The following SPNS3 variants were observed in gnomAD, a reference collection of about 807,000 sequenced individuals.
The protein encoded by SPNS3 is protein spinster homolog 3.
A neutral mutation model predicts 54.4 loss-of-function variants in SPNS3; 51 were observed. The ratio of observed to expected loss-of-function variants is 0.94; its 90% CI spans 0.75 to 1.18. SPNS3 has a LOEUF of 1.18. Among genes scored for constraint, SPNS3 ranks in the 50% most tolerant of loss-of-function variants. SPNS3 has a pLI of 0.00. For missense variants in SPNS3, 669 were observed against 677.4 expected, an observed-to-expected ratio of 0.99 and a Z score of 0.14; for synonymous variants, 309 against 294.7, an observed-to-expected ratio of 1.05 and a Z score of -0.50.
chr17:4,461,361 CTTTTTTTTTTTT>C (rs55928003), intron 8 of SPNS3, among the ~76,000 whole-genome samples: 2 of 33,396 alleles, frequency 6.0e-5, no homozygotes, highest in East Asian at 6.2e-4. Flanking sequence ...CTTTTCTTTT[CTTTTTTTTTTTT>C]TTTTTTTTTT....
chr17:4,441,983 A>AATGTGTGTGT (rs3221840), intron 2 of SPNS3, among the ~76,000 whole-genome samples: 1 of 139,000 alleles, frequency 7.2e-6, no homozygotes, highest in Non-Finnish European at 1.5e-5. Flanking sequence ...CGGAGGGAGA[A>AATGTGTGTGT]GTGTGTGTGT....
intron 8 of SPNS3, among the ~76,000 whole-genome samples, chr17:4,461,565 C>T (rs1297293331): frequency 1.3e-5 from 2 of 151,802 alleles, no homozygotes; most frequent in Non-Finnish European, 2.9e-5. Flanking sequence ...AGGGCAGAAG[C>T]AGAGAGGAGT....
At chr17:4,460,366 C>T (rs1971463164) in intron 8 of SPNS3, among the ~76,000 whole-genome samples, 1 of 151,666 alleles carries the variant, frequency 6.6e-6, no homozygotes, top group African/African-American at 2.4e-5. Flanking sequence ...GTTTAACCAA[C>T]CTTGCATTCC....
intron 4 of SPNS3, 61 bp from the exon 5 acceptor site, chr17:4,446,835 G>A (rs1272119197): frequency 2.0e-6 from 3 of 1,524,478 alleles, no homozygotes; most frequent in African/African-American, 2.7e-5. Flanking sequence ...CAGGCTGGTG[G>A]TGGGGTCTGC....
chr17:4,452,619 G>T (rs1228654933), intron 7 of SPNS3, among the ~76,000 whole-genome samples: 4 of 152,052 alleles, frequency 2.6e-5, no homozygotes, highest in African/African-American at 9.7e-5. Context: ...ACTGGGAGCT[G>T]GAAAGAGAGA....
At chr17:4,443,818 G>A (rs1042103001) in intron 2 of SPNS3, among the ~76,000 whole-genome samples, 4 of 152,242 alleles carry the variant, frequency 2.6e-5, no homozygotes, top group African/African-American at 9.6e-5. Flanking sequence ...AATGGACAGT[G>A]GGCCGGGCAC....
At chr17:4,462,140 T>G (rs7502585) in intron 8 of SPNS3, among the ~76,000 whole-genome samples, 1 of 14,354 alleles carries the variant, frequency 7.0e-5, no homozygotes, top group East Asian at 2.8e-3. Context: ...CATCCATCCA[T>G]CCATCCATCC....
At position 4,448,257 on chromosome 17, in the gene SPNS3, G is replaced by A. The variant is rs1318704859; in HGVS notation, c.724G>A (p.Gly242Ser). 2.5e-6 allele frequency: 4 copies of A among 1,598,058 alleles called. No homozygotes were observed. Among genetic ancestry groups the A allele is most frequent in the Non-Finnish European group, 3.4e-6 (4 of 1,173,208 alleles). Reference protein sequence around the residue: ...AETQGEGAVGGFRSSWCEDVR... With the variant: ...AETQGEGAVGSFRSSWCEDVR... The stretch of plus-strand genomic sequence containing the variant: ...GACACAGGGGGAGGGGGCCGTGGGA[G>A]GCTTCAGGAGCAGCTGGTGTGAGGA... Residue 242 changes from glycine to serine, a missense_variant, in exon 6 of 12, where the codon GGC (glycine) becomes AGC (serine). Physicochemically the swap from Gly to Ser is moderately conservative, Grantham distance 56 (BLOSUM62 0). Coordinates refer to ENST00000355530, the MANE Select transcript of SPNS3 (RefSeq NM_182538.5).
At position 4,450,762 on chromosome 17, in the gene SPNS3, AT is replaced by A. The variant is rs11415054; in HGVS notation, c.923+1392del. Among the ~76,000 whole-genome samples, 833 of 127,174 alleles carry A rather than the reference AT, an allele frequency of 6.6e-3. 5 individuals carry two copies. Among genetic ancestry groups the A allele is most frequent in the African/African-American group, 0.021 (709 of 33,644 alleles). 83.4% of individuals were successfully genotyped at this position (127,174 alleles called of 152,430 possible). On this transcript the variant is annotated intron_variant, in intron 7 of 11. Coordinates refer to ENST00000355530, the MANE Select transcript of SPNS3 (RefSeq NM_182538.5). ...CAGGCATGTGCTACCATGCCCAGCT[AT>A]TTTTTTTTTTTTTTTTGTATTTTTA...
chr17:4,461,842 G>C (rs1971515345), intron 8 of SPNS3, among the ~76,000 whole-genome samples: 1 of 152,098 alleles, frequency 6.6e-6, no homozygotes, highest in South Asian at 2.1e-4. Flanking sequence ...TCAACAGCTT[G>C]GTTTTATACA....
intron 7 of SPNS3, among the ~76,000 whole-genome samples, chr17:4,451,103 C>T (rs1172025873): frequency 1.3e-5 from 2 of 152,086 alleles, no homozygotes; most frequent in Non-Finnish European, 2.9e-5. Flanking sequence ...ATGAATATCT[C>T]GAGAACCTGC....
chr17:4,458,624 T>TC (rs1203677062), intron 8 of SPNS3, among the ~76,000 whole-genome samples: 1 of 144,240 alleles, frequency 6.9e-6, no homozygotes, highest in African/African-American at 2.6e-5. Context: ...TTTCTTTCTT[T>TC]CTTTCTTTCT....
In SPNS3 at chr17:4,486,661, C is replaced by T; in HGVS notation, c.1450+78C>T. 1 of 1,438,058 alleles carries T rather than the reference C, an allele frequency of 7.0e-7. No homozygotes were observed. Among genetic ancestry groups the T allele is most frequent in the Non-Finnish European group, 9.4e-7 (1 of 1,064,486 alleles). 89.1% of individuals were successfully genotyped at this position (1,438,058 alleles called of 1,614,324 possible). A position where few individuals can be genotyped will look rare whatever the true frequency, so the allele number is the denominator to read the frequency against. ...ACAGCACTGGCCACCCCCTGAATCCCTGGCCAGTTTGTTTGTTCATTCATC... is the reference window on the plus strand; with the variant it reads ...ACAGCACTGGCCACCCCCTGAATCCTTGGCCAGTTTGTTTGTTCATTCATC... On this transcript the variant is annotated intron_variant, in intron 11 of 11. Coordinates refer to ENST00000355530, the MANE Select transcript of SPNS3 (RefSeq NM_182538.5). This position sits in a 1 kb window ranked among gnomAD's most constrained non-coding sequence, Gnocchi z 5.5.
intron 4 of SPNS3, chr17:4,446,506 G>GAAGC (rs1163121842): frequency 2.0e-6 from 1 of 488,056 alleles, no homozygotes; most frequent in African/African-American, 1.9e-5. Context: ...GTAAGGTGAG[G>GAAGC]AAGCGTGTTA....
At chr17:4,448,799 A>T (rs2144040606) in intron 6 of SPNS3, among the ~76,000 whole-genome samples, 1 of 152,320 alleles carries the variant, frequency 6.6e-6, no homozygotes, top group Admixed American at 6.5e-5. Flanking sequence ...CATGGACAGG[A>T]TTCAATTCTG....
intron 1 of SPNS3, among the ~76,000 whole-genome samples, chr17:4,436,831 G>T (rs1030303430): frequency 5.9e-5 from 9 of 152,228 alleles, no homozygotes; most frequent in Admixed American, 5.9e-4. Context: ...CAAAGCTGAG[G>T]AGGCCTGAGT....
intron 7 of SPNS3, among the ~76,000 whole-genome samples, chr17:4,452,768 C>T (rs542049208): frequency 7.2e-5 from 11 of 151,754 alleles, no homozygotes; most frequent in Non-Finnish European, 1.0e-4. Context: ...CAGTGGGATC[C>T]CCAGGATGAG....
chr17:4,460,632 C>G (rs1244109112), intron 8 of SPNS3, among the ~76,000 whole-genome samples: 1 of 148,846 alleles, frequency 6.7e-6, no homozygotes, highest in Admixed American at 6.7e-5. Context: ...TTAGTAGAGA[C>G]GGGGTTTCAC....
chr17:4,452,567 G>A (rs1053791287), intron 7 of SPNS3, among the ~76,000 whole-genome samples: 1 of 152,104 alleles, frequency 6.6e-6, no homozygotes, highest in Non-Finnish European at 1.5e-5. Context: ...GTATCACAGG[G>A]GCTCAGTAAA....
Sources: gnomAD v4.1 joint callset for allele counts (sites outside exome capture counted in the v4.1 genomes callset) on GRCh38, gnomAD v4.1.1 for gene constraint, Gnocchi (gnomAD v3.1) non-coding constraint, MANE v1.5 for transcripts, NCBI Gene and HGNC (gene_info 2026-07-23, HGNC 2026-07-21) for gene names.